COMMD10: variants seen among roughly 807,000 people sequenced by gnomAD.
COMMD10 encodes the protein COMM domain-containing protein 10.
Under a neutral mutation model 28.9 loss-of-function variants are expected in COMMD10, and 33 were observed. That is an observed-to-expected ratio of 1.14 (90% CI 0.87 to 1.53). The LOEUF (loss-of-function observed/expected upper bound fraction) is 1.53. Among genes scored for constraint, COMMD10 ranks in the 40% most tolerant of loss-of-function variants. The pLI is 0.00. For synonymous variants in COMMD10, 110 were observed against 81.7 expected (o/e 1.35, Z -1.87); for missense variants, 310 against 233.4 (o/e 1.33, Z -2.14).
rs562802660 is a variant in COMMD10, at chr5:116,219,295, T to TCCCTTC, written c.511-72207_511-72202dup. On this transcript the variant is annotated intron_variant, in intron 5 of 6. Coordinates refer to ENST00000274458, the MANE Select transcript of COMMD10 (RefSeq NM_016144.4). Reference sequence around the variant, plus strand: ...ACCGATACATACAGTTTTCTCCCTTTCCCTTCCCCTTCCCCTTCCCATTTT... The same window carrying TCCCTTC: ...ACCGATACATACAGTTTTCTCCCTTTCCCTTCCCCTTCCCCTTCCCCTTCCCATTTT... 5.1e-3 allele frequency among the ~76,000 whole-genome samples: 779 copies of TCCCTTC among 152,218 alleles called. 2 individuals carry two copies. The highest frequency in any genetic ancestry group is 9.0e-3 in the Non-Finnish European group (612 of 68,018).
intron 4 of COMMD10, among the ~76,000 whole-genome samples, chr5:116,109,876 T>C (rs1282968752): frequency 6.6e-6 from 1 of 152,230 alleles, no homozygotes; most frequent in Non-Finnish European, 1.5e-5. Context: ...ATCTCTTGCC[T>C]GATGGCTGTG....
intron 5 of COMMD10, among the ~76,000 whole-genome samples, chr5:116,171,578 C>A (rs1753334544): frequency 6.6e-6 from 1 of 152,080 alleles, no homozygotes; most frequent in East Asian, 1.9e-4. Context: ...GGAACCAACC[C>A]AAATGCCCAT....
chr5:116,249,307 A>G lies in COMMD10; in HGVS notation c.511-42210A>G, dbSNP rs76119905. Among the ~76,000 whole-genome samples the G allele has an allele frequency of 1.3e-3, 192 of 152,050 alleles. 3 individuals carry two copies. In the East Asian group the frequency reaches 0.035, roughly 27 times the overall value. On this transcript the variant is annotated intron_variant, in intron 5 of 6. Transcript: ENST00000274458. Reference sequence around the variant, plus strand: ...GTGATTATTGTAGATAAGTATTCGAATCTTTCATCTGTTGGATATCTGGAT... The same window carrying G: ...GTGATTATTGTAGATAAGTATTCGAGTCTTTCATCTGTTGGATATCTGGAT...
chr5:116,150,129 C>G (rs1250514194), intron 5 of COMMD10, among the ~76,000 whole-genome samples: 1 of 152,108 alleles, frequency 6.6e-6, no homozygotes, highest in East Asian at 1.9e-4. Context: ...TTCCCCATTT[C>G]TTGTTTTTGT....
At chr5:116,230,806 G>C (rs185877087) in intron 5 of COMMD10, among the ~76,000 whole-genome samples, 3 of 152,180 alleles carry the variant, frequency 2.0e-5, no homozygotes, top group Non-Finnish European at 4.4e-5. Flanking sequence ...TTGACAAGCA[G>C]AGATTCCTTG....
chr5:116,191,250 C>G (rs1315421433), intron 5 of COMMD10, among the ~76,000 whole-genome samples: 3 of 152,124 alleles, frequency 2.0e-5, no homozygotes, highest in Non-Finnish European at 4.4e-5. Context: ...AAGTAAATCT[C>G]TAGCTGAACT....
chr5:116,251,866 C>T (rs1340690711), intron 5 of COMMD10, among the ~76,000 whole-genome samples: 1 of 152,046 alleles, frequency 6.6e-6, no homozygotes, highest in Non-Finnish European at 1.5e-5. Flanking sequence ...GAGGATTCGC[C>T]ACACTGACTT....
chr5:116,144,466 A>G (rs1371405513), intron 5 of COMMD10, among the ~76,000 whole-genome samples: 1 of 151,656 alleles, frequency 6.6e-6, no homozygotes, highest in African/African-American at 2.4e-5. Flanking sequence ...ATTGGATACT[A>G]GAAAGTGATG....
chr5:116,229,919 G>A (rs1489492237), intron 5 of COMMD10, among the ~76,000 whole-genome samples: 1 of 150,532 alleles, frequency 6.6e-6, no homozygotes, highest in Non-Finnish European at 1.5e-5. Flanking sequence ...CCTTTATTTA[G>A]ACCACCTAAA....
chr5:116,270,804 G>A (rs373047240), intron 5 of COMMD10, among the ~76,000 whole-genome samples: 1 of 151,528 alleles, frequency 6.6e-6, no homozygotes, highest in Non-Finnish European at 1.5e-5. Context: ...GGGCTTGATG[G>A]TGCATACCTG....
chr5:116,244,963 A>G (rs1256405985), intron 5 of COMMD10, among the ~76,000 whole-genome samples: 1 of 152,064 alleles, frequency 6.6e-6, no homozygotes, highest in Non-Finnish European at 1.5e-5. Context: ...AGCTAGCAGT[A>G]GACAAGAAAT....
intron 5 of COMMD10, among the ~76,000 whole-genome samples, chr5:116,163,988 G>A (rs570691138): frequency 1.3e-5 from 2 of 152,212 alleles, no homozygotes; most frequent in African/African-American, 4.8e-5. Context: ...AAGGGGTGAT[G>A]GAAATACTTT....
At chr5:116,190,376 G>A (rs1399785216) in intron 5 of COMMD10, among the ~76,000 whole-genome samples, 1 of 152,066 alleles carries the variant, frequency 6.6e-6, no homozygotes, top group East Asian at 1.9e-4. Context: ...TGTATGTTGT[G>A]GAATTCTACT....
At chr5:116,101,016 G>A (rs1750642468) in intron 4 of COMMD10, among the ~76,000 whole-genome samples, 1 of 152,140 alleles carries the variant, frequency 6.6e-6, no homozygotes. Context: ...TGTCTGACTT[G>A]TTTCACTTAA....
chr5:116,254,677 T>G (rs2112677963), intron 5 of COMMD10, among the ~76,000 whole-genome samples: 1 of 151,988 alleles, frequency 6.6e-6, no homozygotes, highest in South Asian at 2.1e-4. Context: ...TTGTTATAAT[T>G]TCTGATCTTT....
intron 5 of COMMD10, among the ~76,000 whole-genome samples, chr5:116,179,944 A>G (rs1320107468): frequency 6.6e-6 from 1 of 152,112 alleles, no homozygotes; most frequent in Non-Finnish European, 1.5e-5. Flanking sequence ...GAGTGTAGCA[A>G]GCAGAATGCT....
chr5:116,221,621 G>C (rs1749260969), intron 5 of COMMD10, among the ~76,000 whole-genome samples: 1 of 152,178 alleles, frequency 6.6e-6, no homozygotes, highest in South Asian at 2.1e-4. Flanking sequence ...GGTCTTAGTA[G>C]TAATTATTTG....
intron 5 of COMMD10, among the ~76,000 whole-genome samples, chr5:116,271,316 AAAATAT>A (rs1057385524): frequency 1.4e-5 from 2 of 147,120 alleles, no homozygotes; most frequent in Admixed American, 6.8e-5. Flanking sequence ...AAATATATAT[AAAATAT>A]AAATATATAT....
At chr5:116,192,599 TAATC>T (rs796425400) in intron 5 of COMMD10, among the ~76,000 whole-genome samples, 8 of 152,254 alleles carry the variant, frequency 5.3e-5, no homozygotes, top group African/African-American at 1.7e-4. Context: ...GTCTTCAAAT[TAATC>T]CAATCCAACA....
Sources: gnomAD v4.1 joint callset for allele counts (sites outside exome capture counted in the v4.1 genomes callset) on GRCh38, gnomAD v4.1.1 for gene constraint, MANE v1.5 for transcripts, NCBI Gene and HGNC (gene_info 2026-07-23, HGNC 2026-07-21) for gene names.